CTNNA2: variants seen among roughly 807,000 people sequenced by gnomAD.
The protein encoded by CTNNA2 is catenin alpha 2.
CTNNA2 carries 42 observed loss-of-function variants against 101.0 expected under a neutral mutation model. The observed-to-expected ratio is 0.42, with a 90% CI of 0.32 to 0.54. The LOEUF (loss-of-function observed/expected upper bound fraction) is 0.54, where lower values mean the gene tolerates loss of function less well. CTNNA2 is among the 20% of genes least tolerant of loss of function. CTNNA2 has a pLI of 0.14. For missense variants in CTNNA2, 871 were observed against 1,223.1 expected (o/e 0.71, Z 4.29); for synonymous variants, 450 against 456.4 (o/e 0.99, Z 0.18).
rs1676476499 is a variant in CTNNA2 at position 80,302,800 on chromosome 2, C to T, written c.1057-90411C>T. 1 of 1,613,758 alleles carries T rather than the reference C, an allele frequency of 6.2e-7. No individual in the cohort carries two copies. The highest frequency in any genetic ancestry group is 1.6e-4 in the Middle Eastern group (1 of 6,062). ...GTGCGTACTCCGGGCTGGCGCACTG[C>T]AAGTTGCCATCGTAGCGCCCCTGGA... is the stretch of plus-strand genomic sequence containing the variant. On this transcript the variant is annotated intron_variant, in intron 7 of 18. Coordinates refer to ENST00000402739, the MANE Select transcript of CTNNA2 (RefSeq NM_001282597.3). The surrounding 1 kb of genome is among the most constrained non-coding windows in gnomAD (Gnocchi z 6.4).
At position 79,626,240 on chromosome 2, in the gene CTNNA2, T is replaced by A. The variant is rs1573508080; in HGVS notation, c.-5-25312T>A. On this transcript the variant is annotated intron_variant, in intron 1 of 18. Transcript: ENST00000402739. Reference sequence around the variant, plus strand: ...ATCAACTGTGATACAATGTGCTCTGTTCTTAGATGCAGAAGGCACAACCAG... The same window carrying A: ...ATCAACTGTGATACAATGTGCTCTGATCTTAGATGCAGAAGGCACAACCAG... 3.3e-5 allele frequency among the ~76,000 whole-genome samples: 5 copies of A among 152,246 alleles called. No homozygotes were observed. In the South Asian group the frequency reaches 8.3e-4, roughly 25 times the overall value.
chr2:79,968,621 AT>A (rs1214412965), intron 7 of CTNNA2, among the ~76,000 whole-genome samples: 1 of 152,184 alleles, frequency 6.6e-6, no homozygotes, highest in African/African-American at 2.4e-5. Context: ...AGCCTGGGCA[AT>A]ATTGTAAGAC....
rs146562167 is a variant in CTNNA2, at chr2:79,997,867, G to A, written c.1056+88070G>A. Among the ~76,000 whole-genome samples, 567 of 152,288 alleles carry A rather than the reference G, an allele frequency of 3.7e-3. 21 individuals carry two copies. The East Asian group carries it at 0.083, about 22-fold the overall frequency. ...CTAATTCATGGCTAGAACTAAGTTAGCCACCTGCCTGGTAGATTATGGTGT... is the reference window on the plus strand; with the variant it reads ...CTAATTCATGGCTAGAACTAAGTTAACCACCTGCCTGGTAGATTATGGTGT... On this transcript the variant is annotated intron_variant, in intron 7 of 18. Transcript: ENST00000402739.
chr2:79,794,967 G>C (rs1203813105), intron 3 of CTNNA2, among the ~76,000 whole-genome samples: 1 of 152,184 alleles, frequency 6.6e-6, no homozygotes, highest in Non-Finnish European at 1.5e-5. Flanking sequence ...CAGGACAATA[G>C]TACAACTGGA....
intron 9 of CTNNA2, among the ~76,000 whole-genome samples, chr2:80,506,331 TTCCACACAGGAAGACCGGTG>T (rs1688275624): frequency 6.6e-6 from 1 of 151,948 alleles, no homozygotes; most frequent in Non-Finnish European, 1.5e-5. Context: ...GGGAAATAGG[TTCCACACAGGAAGACCGGTG>T]AGAAAACAAG....
At chr2:79,393,288 C>T (rs1678194206) in intron 4 of CTNNA2, among the ~76,000 whole-genome samples, 1 of 152,184 alleles carries the variant, frequency 6.6e-6, no homozygotes, top group African/African-American at 2.4e-5. Flanking sequence ...TCCTCTATGA[C>T]TGTTAGTAGG....
At chr2:79,664,770 G>A (rs1182291787) in intron 2 of CTNNA2, among the ~76,000 whole-genome samples, 55 of 135,776 alleles carry the variant, frequency 4.1e-4, no homozygotes, top group Non-Finnish European at 7.4e-4. Context: ...GGAGTGCAGT[G>A]GCGCGATCTC....
chr2:79,596,457 AT>A (rs764020098), intron 1 of CTNNA2, among the ~76,000 whole-genome samples: 1 of 152,176 alleles, frequency 6.6e-6, no homozygotes. Context: ...ATAAGAGAAT[AT>A]TGGGAAATTG....
chr2:80,260,779 T>G (rs188603840), intron 7 of CTNNA2, among the ~76,000 whole-genome samples: 1 of 152,340 alleles, frequency 6.6e-6, no homozygotes, highest in East Asian at 1.9e-4. Flanking sequence ...TATCTATTTT[T>G]GGTGGGAATA....
At chr2:79,639,940 G>A (rs1680335183) in intron 1 of CTNNA2, among the ~76,000 whole-genome samples, 1 of 138,562 alleles carries the variant, frequency 7.2e-6, no homozygotes, top group South Asian at 2.2e-4. Context: ...AATTGTGTGT[G>A]TGTGTGTGTG....
chr2:79,699,578 C>A (rs796368470), intron 2 of CTNNA2, among the ~76,000 whole-genome samples: 14 of 151,682 alleles, frequency 9.2e-5, no homozygotes, highest in African/African-American at 3.4e-4. Context: ...CATATGGATC[C>A]AACTTTGCAA....
intron 7 of CTNNA2, among the ~76,000 whole-genome samples, chr2:80,083,752 T>C (rs963009302): frequency 6.6e-6 from 1 of 152,176 alleles, no homozygotes; most frequent in Admixed American, 6.5e-5. Context: ...CTTCCTATAT[T>C]ATACCAGGCT....
intron 4 of CTNNA2, among the ~76,000 whole-genome samples, chr2:79,497,321 A>G (rs1015060331): frequency 3.3e-5 from 5 of 152,104 alleles, no homozygotes; most frequent in African/African-American, 1.2e-4. Flanking sequence ...TGCCTTATTG[A>G]TTCAATTACT....
chr2:80,274,506 T>C (rs144874639), intron 7 of CTNNA2, among the ~76,000 whole-genome samples: 29 of 152,302 alleles, frequency 1.9e-4, no homozygotes, highest in African/African-American at 7.0e-4. Flanking sequence ...GCTTCTATTC[T>C]TCTCTTCTGC....
At chr2:80,252,569 G>T (rs115963422) in intron 7 of CTNNA2, among the ~76,000 whole-genome samples, 136 of 152,254 alleles carry the variant, frequency 8.9e-4, no homozygotes, top group African/African-American at 3.2e-3. Flanking sequence ...CTGACATTAG[G>T]TGTTTTCTAA....
chr2:80,391,363 A>C (rs1425687448), intron 7 of CTNNA2, among the ~76,000 whole-genome samples: 1 of 152,066 alleles, frequency 6.6e-6, no homozygotes, highest in Admixed American at 6.5e-5. Flanking sequence ...ATTTACATTC[A>C]CTCAGTAATT....
At chr2:79,873,119 A>G (rs192715736) in intron 5 of CTNNA2, among the ~76,000 whole-genome samples, 1 of 152,342 alleles carries the variant, frequency 6.6e-6, no homozygotes, top group East Asian at 1.9e-4. Context: ...TCTGAAAATG[A>G]TAATTAAGGG....
intron 1 of CTNNA2, among the ~76,000 whole-genome samples, chr2:79,561,005 G>A (rs908486244): frequency 2.0e-5 from 3 of 151,740 alleles, no homozygotes; most frequent in Non-Finnish European, 4.4e-5. Flanking sequence ...TATTTGCAAG[G>A]TTGTGGAACT....
intron 7 of CTNNA2, among the ~76,000 whole-genome samples, chr2:79,999,345 T>G (rs1451993943): frequency 2.6e-5 from 4 of 152,200 alleles, no homozygotes; most frequent in Non-Finnish European, 5.9e-5. Flanking sequence ...ACCATAGTTG[T>G]TTCCTTACAA....
Sources: allele counts gnomAD v4.1 joint callset (sites outside exome capture counted in the v4.1 genomes callset), GRCh38; gene constraint gnomAD v4.1.1; non-coding constraint Gnocchi (gnomAD v3.1); transcripts MANE v1.5; gene names NCBI Gene and HGNC (gene_info 2026-07-23, HGNC 2026-07-21).